The following DIAPH2 variants were observed in gnomAD, a reference collection of about 807,000 sequenced individuals.
DIAPH2 encodes protein diaphanous homolog 2.
Under a neutral mutation model 92.7 loss-of-function variants are expected in DIAPH2, and 35 were observed. The observed-to-expected ratio is 0.38, with a 90% CI of 0.29 to 0.50. The LOEUF (loss-of-function observed/expected upper bound fraction) is 0.50, where lower values mean the gene tolerates loss of function less well. DIAPH2 is among the 20% of genes least tolerant of loss of function. The pLI is 0.94. For missense variants in DIAPH2, 701 were observed against 819.5 expected, an observed-to-expected ratio of 0.86 and a Z score of 1.77; for synonymous variants, 301 against 280.4, an observed-to-expected ratio of 1.07 and a Z score of -0.73.
At chrX:97,405,625 T>C (rs746173991) in intron 25 of DIAPH2, among the ~76,000 whole-genome samples, 13 of 111,925 alleles carry the variant, frequency 1.2e-4, no homozygotes, top group Non-Finnish European at 9.4e-5. Flanking sequence ...TAACCTGCAT[T>C]GTACAATCTT....
At chrX:96,975,174 A>G (rs991640441) in intron 17 of DIAPH2, among the ~76,000 whole-genome samples, 1 of 111,693 alleles carries the variant, frequency 9.0e-6, no homozygotes, top group Non-Finnish European at 1.9e-5. Context: ...TGTAACTGAG[A>G]TTGAAGTTGT....
At chrX:97,381,026 G>C (rs1475549224) in intron 24 of DIAPH2, among the ~76,000 whole-genome samples, 1 of 111,440 alleles carries the variant, frequency 9.0e-6, no homozygotes, top group Non-Finnish European at 1.9e-5. Context: ...TCCTTTAGTA[G>C]ATCTACATTC....
At chrX:96,811,709 T>C (rs752674833) in intron 4 of DIAPH2, among the ~76,000 whole-genome samples, 1 of 112,013 alleles carries the variant, frequency 8.9e-6, no homozygotes, top group African/African-American at 3.2e-5. Flanking sequence ...ATATCTAGTT[T>C]ATTGAGAGGT....
intron 20 of DIAPH2, among the ~76,000 whole-genome samples, chrX:97,111,697 C>A (rs2147375566): frequency 9.0e-6 from 1 of 111,690 alleles, no homozygotes; most frequent in African/African-American, 3.3e-5. Context: ...GATGGTCTCC[C>A]TGCCATTAAT....
intron 23 of DIAPH2, among the ~76,000 whole-genome samples, chrX:97,258,120 A>G (rs760550170): frequency 8.9e-5 from 10 of 112,152 alleles, no homozygotes; most frequent in Admixed American, 7.6e-4. Context: ...CAGGATGCTA[A>G]CACCTCATTA....
chrX:97,034,490 G>T (rs1243705758), intron 17 of DIAPH2, among the ~76,000 whole-genome samples: 1 of 106,504 alleles, frequency 9.4e-6, no homozygotes, highest in Admixed American at 1.0e-4. Context: ...CCTTGGGATT[G>T]TACAGAACTC....
chrX:97,054,882 A>G (rs774661580), intron 17 of DIAPH2, among the ~76,000 whole-genome samples: 165 of 111,284 alleles, frequency 1.5e-3, no homozygotes, highest in African/African-American at 5.1e-3. Flanking sequence ...AAAATGCAAA[A>G]CAAAACAAAA....
intron 24 of DIAPH2, among the ~76,000 whole-genome samples, chrX:97,354,846 T>C (rs1307161751): frequency 8.9e-6 from 1 of 112,459 alleles, no homozygotes; most frequent in Non-Finnish European, 1.9e-5. Flanking sequence ...AACAAGATAA[T>C]AGCAAGTTCC....
intron 22 of DIAPH2, among the ~76,000 whole-genome samples, chrX:97,154,248 C>T (rs1259875918): frequency 4.5e-5 from 5 of 111,396 alleles, no homozygotes; most frequent in Non-Finnish European, 9.4e-5. Flanking sequence ...GGCTCAGAAA[C>T]GTGAAGTAAA....
In DIAPH2 at chrX:97,137,270, C is replaced by T. The variant is rs866183609; in HGVS notation, c.2590-4395C>T. On this transcript the variant is annotated intron_variant, in intron 21 of 26. Transcript: ENST00000324765. Reference sequence around the variant, plus strand: ...GGGGTCATATATAAACGCAGTTATACATATATATATATATATATATATATA... The same window carrying T: ...GGGGTCATATATAAACGCAGTTATATATATATATATATATATATATATATA... 7.5e-4 allele frequency among the ~76,000 whole-genome samples: 51 copies of T among 68,241 alleles called. No individual in the cohort carries two copies. The East Asian group carries it at 0.012, about 16-fold the overall frequency. The allele number at this position is 68,241 out of a possible 115,157, so 59.3% of individuals were successfully genotyped here. A position where few individuals can be genotyped will look rare whatever the true frequency, so the allele number is the denominator to read the frequency against.
intron 5 of DIAPH2, among the ~76,000 whole-genome samples, chrX:96,896,058 T>C (rs907082060): frequency 8.9e-6 from 1 of 111,942 alleles, no homozygotes; most frequent in African/African-American, 3.2e-5. Flanking sequence ...CATTGACATG[T>C]CTACAGCCAA....
chrX:97,313,333 T>C (rs1395013811), intron 23 of DIAPH2, among the ~76,000 whole-genome samples: 2 of 111,664 alleles, frequency 1.8e-5, no homozygotes, highest in African/African-American at 6.5e-5. Flanking sequence ...CACTGATTGA[T>C]ACTGGGTCTG....
intron 23 of DIAPH2, among the ~76,000 whole-genome samples, chrX:97,255,854 G>T (rs779017285): frequency 1.3e-4 from 15 of 112,022 alleles, no homozygotes; most frequent in African/African-American, 4.5e-4. Flanking sequence ...TCTTTGAAGA[G>T]TTTTGCTTGC....
intron 17 of DIAPH2, among the ~76,000 whole-genome samples, chrX:97,040,506 A>G (rs1387280053): frequency 2.7e-5 from 3 of 110,456 alleles, no homozygotes; most frequent in African/African-American, 9.9e-5. Context: ...ATTAGTCTGT[A>G]TTTGGGTTGT....
intron 18 of DIAPH2, 49 bp from the exon 19 acceptor site, chrX:97,075,118 T>G (rs780985388): frequency 1.4e-4 from 120 of 849,904 alleles, no homozygotes; most frequent in Non-Finnish European, 2.0e-4. Flanking sequence ...ATTAGGACTT[T>G]AACATGTTGA....
intron 5 of DIAPH2, among the ~76,000 whole-genome samples, chrX:96,894,561 A>G (rs1332867807): frequency 9.0e-6 from 1 of 111,728 alleles, no homozygotes; most frequent in Non-Finnish European, 1.9e-5. Context: ...TCGCATTATG[A>G]GCATTTATTA....
intron 23 of DIAPH2, among the ~76,000 whole-genome samples, chrX:97,258,175 C>T (rs1366859641): frequency 8.9e-6 from 1 of 111,798 alleles, no homozygotes; most frequent in Admixed American, 9.5e-5. Context: ...TGATTCCTTA[C>T]TTTTTTCACT....
chrX:97,419,839 C>T (rs1045595499), intron 25 of DIAPH2, among the ~76,000 whole-genome samples: 3 of 112,144 alleles, frequency 2.7e-5, no homozygotes, highest in Non-Finnish European at 5.6e-5. Context: ...TTTGGTACAT[C>T]ATTTTGAATT....
chrX:97,224,736 C>T (rs1347166090), intron 22 of DIAPH2, among the ~76,000 whole-genome samples: 1 of 111,600 alleles, frequency 9.0e-6, no homozygotes, highest in Non-Finnish European at 1.9e-5. Flanking sequence ...ATTACCAACT[C>T]AAAATATCTA....
Sources: allele counts gnomAD v4.1 joint callset (sites outside exome capture counted in the v4.1 genomes callset), GRCh38; gene constraint gnomAD v4.1.1; transcripts MANE v1.5; gene names NCBI Gene and HGNC (gene_info 2026-07-23, HGNC 2026-07-21).